Variants in MFSD8 observed in about 807,000 individuals in gnomAD.
MFSD8 encodes major facilitator superfamily domain-containing protein 8.
In MFSD8, 55 loss-of-function variants were observed where a neutral mutation model predicts 66.4. That is an observed-to-expected ratio of 0.83 (90% CI 0.67 to 1.04). The LOEUF (loss-of-function observed/expected upper bound fraction) is 1.04, where lower values mean the gene tolerates loss of function less well. Among genes scored for constraint, MFSD8 ranks in the 50% least tolerant of loss-of-function variants. The pLI is 0.00. For synonymous variants in MFSD8, 202 were observed against 212.8 expected (o/e 0.95, Z 0.44); for missense variants, 550 against 627.6 (o/e 0.88, Z 1.32).
chr4:127,945,180 C>T (rs1382856384), intron 3 of MFSD8, among the ~76,000 whole-genome samples: 1 of 152,022 alleles, frequency 6.6e-6, no homozygotes, highest in Non-Finnish European at 1.5e-5. Flanking sequence ...GATTCTATCT[C>T]TAATCTTCCT....
intron 3 of MFSD8, among the ~76,000 whole-genome samples, chr4:127,948,525 T>C (rs1190749627): frequency 6.6e-6 from 1 of 152,182 alleles, no homozygotes; most frequent in Non-Finnish European, 1.5e-5. Context: ...TTAATAAATT[T>C]TAACTCCTGC....
chr4:127,921,253 A>T, intron 11 of MFSD8: 1 of 608,976 alleles, frequency 1.6e-6, no homozygotes, highest in Non-Finnish European at 2.9e-6. Context: ...CTTGTTCAAG[A>T]GGTTTGAAGC....
At chr4:127,964,322 A>T (rs1225269197) in intron 1 of MFSD8, among the ~76,000 whole-genome samples, 4 of 152,316 alleles carry the variant, frequency 2.6e-5, no homozygotes, top group African/African-American at 9.6e-5. Flanking sequence ...GCCGCACAGG[A>T]GCCCACGGAG....
intron 3 of MFSD8, among the ~76,000 whole-genome samples, chr4:127,947,063 A>C (rs941215274): frequency 1.3e-5 from 2 of 152,052 alleles, no homozygotes; most frequent in Admixed American, 1.3e-4. Context: ...ATACAGGAAA[A>C]GCTTCTGACC....
At chr4:127,955,992 G>A (rs149881464) in intron 2 of MFSD8, among the ~76,000 whole-genome samples, 370 of 152,012 alleles carry the variant, frequency 2.4e-3, no homozygotes, top group Non-Finnish European at 4.2e-3. Flanking sequence ...GATAGCGTGC[G>A]CCTGTAGTCC....
At chr4:127,921,098 A>G (rs1736282941) in intron 11 of MFSD8, 1 of 566,230 alleles carries the variant, frequency 1.8e-6, no homozygotes, top group African/African-American at 1.9e-5. Flanking sequence ...TACCTTTTAA[A>G]GCTAACATTT....
rs117498133 is a variant in MFSD8, at chr4:127,948,923, C to T, written c.198+881G>A. 2.0e-4 allele frequency among the ~76,000 whole-genome samples: 30 copies of T among 152,256 alleles called. No homozygotes were observed. The East Asian group carries it at 5.8e-3, about 29-fold the overall frequency. ...AAATTCCTTTTTTAAAATAAATTAT[C>T]TGGTTTAGGGTATTCTGTTATAAGC... On this transcript the variant is annotated intron_variant, in intron 3 of 11. Transcript: ENST00000641686.
At chr4:127,954,698 T>C (rs1266137282) in intron 2 of MFSD8, among the ~76,000 whole-genome samples, 1 of 152,196 alleles carries the variant, frequency 6.6e-6, no homozygotes, top group Non-Finnish European at 1.5e-5. Context: ...TTTAGCACAC[T>C]GAATAGAAGA....
At chr4:127,964,187 G>T (rs976945774) in intron 1 of MFSD8, among the ~76,000 whole-genome samples, 1 of 152,242 alleles carries the variant, frequency 6.6e-6, no homozygotes. Flanking sequence ...AGTGGATCCC[G>T]CACCGGGGCT....
Position 127,946,126 on chromosome 4 carries a change from C to T in MFSD8, c.199-2134G>A, listed in dbSNP as rs558930107. On this transcript the variant is annotated intron_variant, in intron 3 of 11. Coordinates refer to ENST00000641686, the MANE Select transcript of MFSD8 (RefSeq NM_001371596.2). ...TTTTTGTAGAGACGAGGTCTTATAT[C>T]GTTACCCAGGCTGGTCTTGAACTCT... 5.3e-5 allele frequency among the ~76,000 whole-genome samples: 8 copies of T among 152,012 alleles called. No individual in the cohort carries two copies. In the South Asian group the frequency reaches 1.5e-3, roughly 28 times the overall value.
chr4:127,929,118 G>T (rs1474339869), intron 9 of MFSD8, among the ~76,000 whole-genome samples: 1 of 151,316 alleles, frequency 6.6e-6, no homozygotes, highest in Non-Finnish European at 1.5e-5. Flanking sequence ...TCAGGAGATC[G>T]AGACCATCCT....
chr4:127,950,508 G>A (rs1380960136), intron 2 of MFSD8, among the ~76,000 whole-genome samples: 1 of 151,954 alleles, frequency 6.6e-6, no homozygotes, highest in Non-Finnish European at 1.5e-5. Context: ...TGGCCAACAT[G>A]GTGAAACCCT....
intron 9 of MFSD8, among the ~76,000 whole-genome samples, chr4:127,927,916 C>G (rs1397618726): frequency 2.0e-5 from 3 of 152,040 alleles, no homozygotes; most frequent in Admixed American, 6.6e-5. Flanking sequence ...GAGATAAGAT[C>G]TCACTATGTT....
chr4:127,918,247 G>C lies in MFSD8; in HGVS notation c.*2383C>G, dbSNP rs1736024656. On this transcript the variant is annotated 3_prime_UTR_variant, in exon 12 of 12. Transcript: ENST00000641686. ...ATACGCAACTTGGCCTACTCAAGAA[G>C]ACATCAACATGGTGATTTTTTTTCC... 6.6e-6 allele frequency: 1 copy of C among 152,156 alleles called. No homozygotes were observed. The highest frequency in any genetic ancestry group is 2.1e-4 in the South Asian group (1 of 4,826). 9.4% of individuals were successfully genotyped at this position (152,156 alleles called of 1,614,324 possible).
Position 127,963,341 on chromosome 4 carries a change from G to A in MFSD8, c.62+1731C>T, listed in dbSNP as rs552947919. Reference sequence around the variant, plus strand: ...TCTGGAAAGTGATCAGCTACAAAGGGCCAAATATGGAATGCAGAAGATACA... The same window carrying A: ...TCTGGAAAGTGATCAGCTACAAAGGACCAAATATGGAATGCAGAAGATACA... On this transcript the variant is annotated intron_variant, in intron 1 of 11. Transcript: ENST00000641686. Among the ~76,000 whole-genome samples the A allele has an allele frequency of 2.6e-3, 391 of 152,342 alleles. 1 individual carries two copies. Among genetic ancestry groups the A allele is most frequent in the Non-Finnish European group, 4.3e-3 (292 of 68,034 alleles).
intron 7 of MFSD8, chr4:127,934,618 T>C (rs931125389): frequency 2.0e-5 from 3 of 149,842 alleles, no homozygotes; most frequent in Admixed American, 6.7e-5. Flanking sequence ...TCTTGCTCTG[T>C]TGCCAGGCTG....
At chr4:127,937,974 GT>G (rs1013206458) in intron 7 of MFSD8, among the ~76,000 whole-genome samples, 5 of 150,978 alleles carry the variant, frequency 3.3e-5, no homozygotes, top group South Asian at 2.1e-4. Context: ...TAAATAACAG[GT>G]TTTTTTTTGG....
In MFSD8 at chr4:127,942,060, AACCTAAT is replaced by A. The variant is rs1271198944; in HGVS notation, c.531_537del (p.Gly179PhefsTer2). 1.2e-6 allele frequency: 2 copies of A among 1,613,908 alleles called. No homozygotes were observed. Among genetic ancestry groups the A allele is most frequent in the Non-Finnish European group, 1.7e-6 (2 of 1,179,834 alleles). ...GAACACCTACCTGGACCTAGAATAA[AACCTAAT>A]GCTTGACACATGCTTATGTTTGCCA... On this transcript the variant is annotated frameshift_variant, in exon 5 of 12. Transcript: ENST00000641686. LOFTEE classifies it high-confidence loss of function.
At chr4:127,964,423 G>C (rs1404585242) in intron 1 of MFSD8, among the ~76,000 whole-genome samples, 1 of 152,244 alleles carries the variant, frequency 6.6e-6, no homozygotes, top group Non-Finnish European at 1.5e-5. Context: ...CGAGCGCAGC[G>C]CCAGTGGGCT....
Sources: allele counts gnomAD v4.1 joint callset (sites outside exome capture counted in the v4.1 genomes callset), GRCh38; gene constraint gnomAD v4.1.1; transcripts MANE v1.5; gene names NCBI Gene and HGNC (gene_info 2026-07-23, HGNC 2026-07-21).